The following PCDHGA1 variants were observed in gnomAD, a reference collection of about 807,000 sequenced individuals.
PCDHGA1 encodes the protein protocadherin gamma subfamily A, 1.
A neutral mutation model predicts 58.0 loss-of-function variants in PCDHGA1; 32 were observed. The observed-to-expected ratio is 0.55, with a 90% CI of 0.42 to 0.74. The LOEUF (loss-of-function observed/expected upper bound fraction) is 0.74, where lower values mean the gene tolerates loss of function less well. Among genes scored for constraint, PCDHGA1 ranks in the 30% least tolerant of loss-of-function variants. The pLI is 0.00. For missense variants in PCDHGA1, 1,205 were observed against 1,182.3 expected, an observed-to-expected ratio of 1.02 and a Z score of -0.28; for synonymous variants, 498 against 501.1, an observed-to-expected ratio of 0.99 and a Z score of 0.08.
At position 141,330,911 on chromosome 5, in the gene PCDHGA1, C is replaced by T; in HGVS notation, c.227C>T (p.Ala76Val). The change falls in exon 1 of 4, where the codon GCT becomes GTT. Residue 76 changes from alanine (A) to valine (V), a missense_variant. Ala to Val is a moderately conservative substitution (Grantham distance 64). Transcript: ENST00000517417. ...IVSRGRMPLF[A>V]LNPRSGSLIT... Reference sequence around the variant, plus strand: ...TCCAGAGGTAGGATGCCGCTTTTCGCTCTGAATCCTAGAAGTGGCAGCTTG... The same window carrying T: ...TCCAGAGGTAGGATGCCGCTTTTCGTTCTGAATCCTAGAAGTGGCAGCTTG... The T allele has an allele frequency of 6.2e-7, 1 of 1,614,220 alleles. No individual in the cohort carries two copies. The highest frequency in any genetic ancestry group is 8.5e-7 in the Non-Finnish European group (1 of 1,180,040).
chr5:141,337,419 A>G (rs1007193647), intron 1 of PCDHGA1, among the ~76,000 whole-genome samples: 58 of 152,352 alleles, frequency 3.8e-4, no homozygotes, highest in African/African-American at 1.4e-3. Context: ...GTTCACACAT[A>G]CAATGGGCTG....
chr5:141,475,980 C>G (rs758066578), intron 1 of PCDHGA1: 3 of 1,028,500 alleles, frequency 2.9e-6, no homozygotes, highest in Admixed American at 2.4e-5. Context: ...ACTGAACAGC[C>G]GGCGAGCAAA....
In PCDHGA1 at chr5:141,332,684, G is replaced by A. The variant is rs1756422282; in HGVS notation, c.2000G>A (p.Arg667Lys). Residue 667 changes from arginine to lysine, a missense_variant, in exon 1 of 4, where the codon AGG (arginine) becomes AAG (lysine). Transcript: ENST00000517417. This position sits in a 1 kb window ranked among gnomAD's most constrained non-coding sequence, Gnocchi z 4.6. ...TVTLTVAVADRISDILADLGS... is the reference protein window; with the variant it reads ...TVTLTVAVADKISDILADLGS... ...ACGCTCACCGTGGCCGTGGCCGACAGGATCTCCGACATCCTGGCCGACCTG... is the reference window on the plus strand; with the variant it reads ...ACGCTCACCGTGGCCGTGGCCGACAAGATCTCCGACATCCTGGCCGACCTG... 5.0e-6 allele frequency: 8 copies of A among 1,613,868 alleles called. No homozygotes were observed. Among genetic ancestry groups the A allele is most frequent in the Non-Finnish European group, 6.8e-6 (8 of 1,179,960 alleles).
intron 1 of PCDHGA1, chr5:141,370,231 G>C: frequency 1.7e-6 from 1 of 591,382 alleles, no homozygotes; most frequent in South Asian, 3.3e-5. Context: ...CAGCCAGCTC[G>C]GAAGAAAAGT....
intron 1 of PCDHGA1, chr5:141,343,279 A>G: frequency 2.1e-6 from 2 of 966,306 alleles, no homozygotes; most frequent in Non-Finnish European, 2.5e-6. Context: ...GAACAAACTT[A>G]AAGAAATATA....
At chr5:141,350,953 T>A in intron 1 of PCDHGA1, 5 of 1,614,052 alleles carry the variant, frequency 3.1e-6, no homozygotes, top group Non-Finnish European at 4.2e-6. Context: ...GAGTTACGGA[T>A]GCCAATGATA....
At position 141,357,449 on chromosome 5, in the gene PCDHGA1, T is replaced by C. The variant is rs572307990; in HGVS notation, c.2421+24344T>C. 6.8e-6 allele frequency: 11 copies of C among 1,614,224 alleles called. No homozygotes were observed. The highest frequency in any genetic ancestry group is 6.7e-5 in the East Asian group (3 of 44,880). On this transcript the variant is annotated intron_variant, in intron 1 of 3. Coordinates refer to ENST00000517417, the MANE Select transcript of PCDHGA1 (RefSeq NM_018912.3). ...GGCGTGGACGGGGTTCGGGCTTTCC[T>C]GCAGACCTATTCCCACGAGGTCTCC... is the stretch of plus-strand genomic sequence containing the variant.
intron 1 of PCDHGA1, chr5:141,345,503 A>T: frequency 6.2e-7 from 1 of 1,614,120 alleles, no homozygotes; most frequent in Non-Finnish European, 8.5e-7. Context: ...TCACTTATGC[A>T]TTGACCGAGG....
chr5:141,510,813 C>T, intron 3 of PCDHGA1, 134 bp from the exon 4 acceptor site: 1 of 1,537,024 alleles, frequency 6.5e-7, no homozygotes, highest in South Asian at 1.2e-5. Flanking sequence ...CTTGGTGACC[C>T]CTATATTCCC....
chr5:141,376,562 C>A, intron 1 of PCDHGA1: 1 of 1,608,850 alleles, frequency 6.2e-7, no homozygotes, highest in Non-Finnish European at 8.5e-7. Context: ...CGCAACCCAA[C>A]TAATCAGACA....
chr5:141,466,090 C>A (rs983505253), intron 1 of PCDHGA1, among the ~76,000 whole-genome samples: 2 of 152,068 alleles, frequency 1.3e-5, no homozygotes, highest in African/African-American at 4.8e-5. Context: ...CCACTGCACT[C>A]CAGCCTGGGC....
At chr5:141,481,739 G>A (rs1034725934) in intron 1 of PCDHGA1, among the ~76,000 whole-genome samples, 1 of 152,082 alleles carries the variant, frequency 6.6e-6, no homozygotes, top group Non-Finnish European at 1.5e-5. Flanking sequence ...GGATCACGAG[G>A]TCAGGAGTCC....
chr5:141,504,379 G>T (rs181617363), intron 2 of PCDHGA1, among the ~76,000 whole-genome samples: 1 of 152,088 alleles, frequency 6.6e-6, no homozygotes, highest in African/African-American at 2.4e-5. Context: ...AGGTGGAGTC[G>T]CTGCCTCACA....
chr5:141,361,243 A>G, intron 1 of PCDHGA1: 2 of 1,614,012 alleles, frequency 1.2e-6, no homozygotes, highest in Non-Finnish European at 1.7e-6. Context: ...CGCCTTGATA[A>G]AAACGAGAGA....
chr5:141,350,819 A>G (rs1214337885), intron 1 of PCDHGA1: 3 of 1,614,028 alleles, frequency 1.9e-6, no homozygotes, highest in Non-Finnish European at 2.5e-6. Flanking sequence ...TGATGGAAGT[A>G]AATATCCGGT....
chr5:141,354,940 G>T (rs1298190713), intron 1 of PCDHGA1: 4 of 423,462 alleles, frequency 9.4e-6, no homozygotes, highest in African/African-American at 2.0e-5. Flanking sequence ...TTTTAACCAA[G>T]AATAAATTGC....
chr5:141,384,666 C>CA, intron 1 of PCDHGA1: 2 of 1,614,220 alleles, frequency 1.2e-6, no homozygotes, highest in Non-Finnish European at 1.7e-6. Flanking sequence ...ACCTGGTGAC[C>CA]AAGGTGGTGG....
Position 141,485,096 on chromosome 5 carries a change from C to T in PCDHGA1, c.2422-9711C>T, listed in dbSNP as rs1166994104. On this transcript the variant is annotated intron_variant, in intron 1 of 3. Coordinates refer to ENST00000517417, the MANE Select transcript of PCDHGA1 (RefSeq NM_018912.3). This position sits in a 1 kb window ranked among gnomAD's most constrained non-coding sequence, Gnocchi z 5.7. The stretch of plus-strand genomic sequence containing the variant: ...CGCGGGGAAAGGGAGATAGGTGTCT[C>T]CAGCTGCTGTGGCTGTTTGGGGCGG... The T allele has an allele frequency of 1.8e-6, 2 of 1,125,566 alleles. No homozygotes were observed. The highest frequency in any genetic ancestry group is 3.1e-5 in the African/African-American group (2 of 64,908). 69.7% of individuals were successfully genotyped at this position (1,125,566 alleles called of 1,614,324 possible).
intron 1 of PCDHGA1, chr5:141,430,820 G>C (rs1194897001): frequency 6.5e-7 from 1 of 1,541,598 alleles, no homozygotes; most frequent in East Asian, 2.3e-5. Context: ...AATCCTCCTG[G>C]GGACTCTGTG....
Sources: gnomAD v4.1 joint callset for allele counts (sites outside exome capture counted in the v4.1 genomes callset) on GRCh38, gnomAD v4.1.1 for gene constraint, Gnocchi (gnomAD v3.1) non-coding constraint, MANE v1.5 for transcripts, NCBI Gene and HGNC (gene_info 2026-07-23, HGNC 2026-07-21) for gene names.